CSPP1: variants seen among roughly 807,000 people sequenced by gnomAD.
CSPP1 encodes centrosome and spindle pole-associated protein 1.
Under a neutral mutation model 164.4 loss-of-function variants are expected in CSPP1, and 126 were observed. That is an observed-to-expected ratio of 0.77 (90% CI 0.66 to 0.89). CSPP1 has a LOEUF of 0.89. CSPP1 is among the 40% of genes least tolerant of loss of function. CSPP1 has a pLI of 0.00. For synonymous variants in CSPP1, 472 were observed against 476.7 expected, an observed-to-expected ratio of 0.99 and a Z score of 0.13; for missense variants, 1,395 against 1,449.8, an observed-to-expected ratio of 0.96 and a Z score of 0.61.
intron 19 of CSPP1, chr8:67,157,627 G>A (rs1487351418): frequency 3.3e-5 from 5 of 152,134 alleles, no homozygotes; most frequent in African/African-American, 4.8e-5. Context: ...GTACAGACAA[G>A]AAAAACAAAA....
intron 19 of CSPP1, among the ~76,000 whole-genome samples, chr8:67,157,226 T>G (rs1826835458): frequency 6.6e-6 from 1 of 152,180 alleles, no homozygotes; most frequent in Non-Finnish European, 1.5e-5. Context: ...GCATATTTAA[T>G]AATGTTGTGA....
At chr8:67,190,791 C>G (rs941070523) in intron 29 of CSPP1, 32 bp downstream of exon 29, 2 of 1,482,798 alleles carry the variant, frequency 1.3e-6, no homozygotes, top group Non-Finnish European at 1.9e-6. Context: ...CCCTTTTCAA[C>G]TTAGAAGAAT....
chr8:67,190,672 T>G lies in CSPP1; in HGVS notation c.3243T>G (p.Pro1081=). The G allele has an allele frequency of 6.2e-7, 1 of 1,614,100 alleles. No homozygotes were observed. Among genetic ancestry groups the G allele is most frequent in the Non-Finnish European group, 8.5e-7 (1 of 1,179,958 alleles). The change falls in exon 29 of 31, where the codon CCT becomes CCG. Residue 1081 remains proline, a synonymous_variant. Coordinates refer to ENST00000678616, the MANE Select transcript of CSPP1 (RefSeq NM_001382391.1). ...TAGGGGCTTACGGTGAGACATATCC[T>G]GCCATTGAAGATGACGTCCTCCCTC... is the stretch of plus-strand genomic sequence containing the variant. The part of the protein sequence containing the change: ...AFIGAYGETY[P]AIEDDVLPPP...
At chr8:67,142,776 A>G (rs1353198825) in intron 17 of CSPP1, among the ~76,000 whole-genome samples, 1 of 152,220 alleles carries the variant, frequency 6.6e-6, no homozygotes, top group Non-Finnish European at 1.5e-5. Flanking sequence ...TTGCATTCCT[A>G]TCAGAAAAGT....
At chr8:67,147,674 A>C (rs779532279) in intron 17 of CSPP1, among the ~76,000 whole-genome samples, 2 of 151,366 alleles carry the variant, frequency 1.3e-5, no homozygotes, top group Non-Finnish European at 3.0e-5. Context: ...TTTTTCTCTA[A>C]GTCCTTTGTA....
intron 15 of CSPP1, among the ~76,000 whole-genome samples, chr8:67,129,555 G>A (rs12681862): frequency 0.095 from 14,495 of 152,158 alleles, 1,062 homozygotes; most frequent in East Asian, 0.34. Context: ...CAAAGACTTG[G>A]ATGTGAATGT....
intron 18 of CSPP1, 86 bp from the exon 19 acceptor site, chr8:67,153,938 A>C: frequency 1.7e-6 from 1 of 604,650 alleles, no homozygotes; most frequent in Non-Finnish European, 2.9e-6. Context: ...TTAAAAATGA[A>C]TTTATTAGCA....
In CSPP1 at chr8:67,086,356, T is replaced by G. The variant is rs1810405722; in HGVS notation, c.303+246T>G. ...TAAGGCAGTGGATTCTAATTTTAAG[T>G]GAGATCGTTAATTATGGTTTTTCAT... On this transcript the variant is annotated intron_variant, in intron 4 of 30. Coordinates refer to ENST00000678616, the MANE Select transcript of CSPP1 (RefSeq NM_001382391.1). The G allele has an allele frequency of 8.0e-6, 4 of 503,096 alleles. No individual in the cohort carries two copies. In the Admixed American group the frequency reaches 1.2e-4, roughly 15 times the overall value. 31.2% of individuals were successfully genotyped at this position (503,096 alleles called of 1,614,324 possible).
chr8:67,165,955 CATTT>C (rs1223893720), intron 24 of CSPP1, among the ~76,000 whole-genome samples: 1 of 152,108 alleles, frequency 6.6e-6, no homozygotes, highest in African/African-American at 2.4e-5. Flanking sequence ...TGTCTTCTTC[CATTT>C]ATTTATTTAT....
chr8:67,124,044 C>T (rs1208695876), intron 15 of CSPP1, among the ~76,000 whole-genome samples: 9 of 151,322 alleles, frequency 5.9e-5, no homozygotes, highest in Non-Finnish European at 1.2e-4. Context: ...GGACTACAGG[C>T]GCCCGCCACC....
Position 67,190,687 on chromosome 8 carries a change from C to T in CSPP1, c.3258C>T (p.Asp1086=), listed in dbSNP as rs769247285. Residue 1086 remains aspartate, a synonymous_variant, in exon 29 of 31, where the codon GAC becomes GAT. Transcript: ENST00000678616. The stretch of plus-strand genomic sequence containing the variant: ...AGACATATCCTGCCATTGAAGATGA[C>T]GTCCTCCCTCCACCATCACAGTTGC... ...YGETYPAIED[D]VLPPPSQLPS... 1.2e-5 allele frequency: 20 copies of T among 1,613,976 alleles called. No homozygotes were observed. The highest frequency in any genetic ancestry group is 2.2e-5 in the South Asian group (2 of 91,084).
rs1817346600 is a variant in CSPP1, at chr8:67,113,699, G to A, written c.1188-106G>A. ...TCAGTTAAAGGAATTATTTGTTTTT[G>A]TAGATGTAGTGCATAGACTTTGTGT... On this transcript the variant is annotated intron_variant, in intron 10 of 30. Transcript: ENST00000678616. 7.0e-6 allele frequency: 4 copies of A among 573,304 alleles called. No homozygotes were observed. The South Asian group carries it at 1.1e-4, about 16-fold the overall frequency. 35.5% of individuals were successfully genotyped at this position (573,304 alleles called of 1,614,324 possible).
At chr8:67,064,613 G>T in intron 1 of CSPP1, 75 bp downstream of exon 1, 1 of 1,404,720 alleles carries the variant, frequency 7.1e-7, no homozygotes, top group Non-Finnish European at 9.4e-7. Flanking sequence ...CGGGGGCAGG[G>T]GCAGTGGCTC....
chr8:67,158,710 T>C, intron 20 of CSPP1, 114 bp downstream of exon 20: 1 of 1,303,982 alleles, frequency 7.7e-7, no homozygotes, highest in Non-Finnish European at 1.0e-6. Flanking sequence ...ATTTAGAAAA[T>C]ATCAGATCAA....
chr8:67,170,204 G>T (rs1007484131), intron 24 of CSPP1, among the ~76,000 whole-genome samples: 1 of 151,716 alleles, frequency 6.6e-6, no homozygotes, highest in African/African-American at 2.4e-5. Context: ...CAGCACTTTG[G>T]GAGACTGAGG....
chr8:67,114,208 A>G (rs1817467832), intron 11 of CSPP1, 121 bp from the exon 12 acceptor site: 1 of 168,596 alleles, frequency 5.9e-6, no homozygotes, highest in Non-Finnish European at 1.3e-5. Flanking sequence ...CTTACATTGG[A>G]GTGATTTCTG....
At chr8:67,109,829 A>T (rs914866596) in intron 9 of CSPP1, among the ~76,000 whole-genome samples, 1 of 152,136 alleles carries the variant, frequency 6.6e-6, no homozygotes, top group African/African-American at 2.4e-5. Context: ...GTCCAAGTGG[A>T]TGGCGGGGTT....
intron 1 of CSPP1, among the ~76,000 whole-genome samples, chr8:67,067,035 C>T (rs935717074): frequency 5.3e-5 from 8 of 152,092 alleles, no homozygotes; most frequent in East Asian, 3.9e-4. Context: ...GGATTACAGG[C>T]GTGAGCCACG....
chr8:67,137,423 G>A, intron 16 of CSPP1, 33 bp from the exon 17 acceptor site: 1 of 1,355,812 alleles, frequency 7.4e-7, no homozygotes, highest in Non-Finnish European at 9.8e-7. Flanking sequence ...ATACTTGTCA[G>A]CGTTTATTTT....
Sources: gnomAD v4.1 joint callset for allele counts (sites outside exome capture counted in the v4.1 genomes callset) on GRCh38, gnomAD v4.1.1 for gene constraint, MANE v1.5 for transcripts, NCBI Gene and HGNC (gene_info 2026-07-23, HGNC 2026-07-21) for gene names.